ARFGEF3: variants seen among roughly 807,000 people sequenced by gnomAD.
The protein encoded by ARFGEF3 is brefeldin A-inhibited guanine nucleotide-exchange protein 3.
In ARFGEF3, 96 loss-of-function variants were observed where a neutral mutation model predicts 221.7. The observed-to-expected ratio is 0.43, with a 90% CI of 0.37 to 0.51. The LOEUF (loss-of-function observed/expected upper bound fraction) is 0.51. Among genes scored for constraint, ARFGEF3 ranks in the 20% least tolerant of loss-of-function variants. ARFGEF3 has a pLI of 0.00. For synonymous variants in ARFGEF3, 1,145 were observed against 1,126.8 expected, an observed-to-expected ratio of 1.02 and a Z score of -0.32; for missense variants, 2,410 against 2,789.9, an observed-to-expected ratio of 0.86 and a Z score of 3.07.
chr6:138,327,878 C>G (rs902524684), intron 31 of ARFGEF3, 143 bp from the exon 32 acceptor site: 2 of 629,168 alleles, frequency 3.2e-6, no homozygotes, highest in Non-Finnish European at 5.5e-6. Context: ...TCAATTAACT[C>G]TCTCAACAAA....
intron 22 of ARFGEF3, among the ~76,000 whole-genome samples, chr6:138,306,525 A>G (rs1779725868): frequency 1.3e-5 from 2 of 152,218 alleles, no homozygotes; most frequent in Non-Finnish European, 2.9e-5. Context: ...AAAGAAGGAC[A>G]AATTTTGAAA....
At chr6:138,223,080 A>T (rs1329138743) in intron 4 of ARFGEF3, among the ~76,000 whole-genome samples, 1 of 152,152 alleles carries the variant, frequency 6.6e-6, no homozygotes, top group Non-Finnish European at 1.5e-5. Context: ...AGGGAAAAAA[A>T]TCTCTGTTGA....
At chr6:138,183,394 G>A in intron 2 of ARFGEF3, among the ~76,000 whole-genome samples, 1 of 152,202 alleles carries the variant, frequency 6.6e-6, no homozygotes, top group South Asian at 2.1e-4. Flanking sequence ...ATTGTTAAAG[G>A]TGTGCATGCC....
chr6:138,229,935 C>T lies in ARFGEF3; in HGVS notation c.420+83C>T, dbSNP rs147332612. ...TAAATATTGGGGTGGAACTAAGCCCCAGCACTGGAGTGAATCCTTCTCTGA... is the reference window on the plus strand; with the variant it reads ...TAAATATTGGGGTGGAACTAAGCCCTAGCACTGGAGTGAATCCTTCTCTGA... On this transcript the variant is annotated intron_variant, in intron 5 of 33. Transcript: ENST00000251691. 2.7e-5 allele frequency: 31 copies of T among 1,140,984 alleles called. No individual in the cohort carries two copies. In the East Asian group the frequency reaches 7.2e-4, roughly 27 times the overall value. The allele number at this position is 1,140,984 out of a possible 1,614,324, so 70.7% of individuals were successfully genotyped here.
rs952834056 is a variant in ARFGEF3 at position 138,291,968 on chromosome 6, C to T, written c.3283C>T (p.Arg1095Trp). Residue 1095 changes from arginine (R) to tryptophan (W), a missense_variant, in exon 19 of 34, where the codon CGG becomes TGG. This residue lies in a region of ARFGEF3 where 184 missense variants were observed against 141.8 expected (regional missense o/e 1.30). Coordinates refer to ENST00000251691, the MANE Select transcript of ARFGEF3 (RefSeq NM_020340.5). The surrounding 1 kb of genome is among the most constrained non-coding windows in gnomAD (Gnocchi z 4.5). ...CCTCGTCCGGGAAGGCAGCCGGGGT[C>T]GGGCCTCCGACTTCCGCGGCGGGAG... is the stretch of plus-strand genomic sequence containing the variant. ...QDLVREGSRG[R>W]ASDFRGGSLM... 19 of 1,533,470 alleles carry T rather than the reference C, an allele frequency of 1.2e-5. No homozygotes were observed. Among genetic ancestry groups the T allele is most frequent in the Non-Finnish European group, 1.5e-5 (17 of 1,142,542 alleles). 95.0% of individuals were successfully genotyped at this position (1,533,470 alleles called of 1,614,324 possible).
At position 138,226,789 on chromosome 6, in the gene ARFGEF3, G is replaced by A. The variant is rs559650909; in HGVS notation, c.352-2995G>A. On this transcript the variant is annotated intron_variant, in intron 4 of 33. Coordinates refer to ENST00000251691, the MANE Select transcript of ARFGEF3 (RefSeq NM_020340.5). ...CTACCCCTAGTCTGTGTTTTAATCC[G>A]GCGAATTAATACATGCTAAGCATTG... 2.0e-5 allele frequency among the ~76,000 whole-genome samples: 3 copies of A among 152,052 alleles called. 1 individual carries two copies. Among genetic ancestry groups the A allele is most frequent in the South Asian group, 4.2e-4 (2 of 4,812 alleles).
rs1777682680 is a variant in ARFGEF3 at position 138,209,572 on chromosome 6, CCCGAGTAG to C, written c.220-336_220-329del. 2.0e-5 allele frequency among the ~76,000 whole-genome samples: 3 copies of C among 152,260 alleles called. No homozygotes were observed. The South Asian group carries it at 6.2e-4, about 32-fold the overall frequency. ...TCAAGCAATTCTCCTGCCTCAGCCTCCCGAGTAGCTGGGATTGCAGGCACCCGCCACCA... is the reference window on the plus strand; with the variant it reads ...TCAAGCAATTCTCCTGCCTCAGCCTCCTGGGATTGCAGGCACCCGCCACCA... On this transcript the variant is annotated intron_variant, in intron 3 of 33. Transcript: ENST00000251691.
intron 4 of ARFGEF3, among the ~76,000 whole-genome samples, chr6:138,213,783 C>G (rs1370688588): frequency 7.9e-5 from 12 of 152,020 alleles, no homozygotes. Flanking sequence ...TCACAACAAA[C>G]CTAGCCTGAA....
intron 12 of ARFGEF3, 118 bp downstream of exon 12, chr6:138,263,729 G>T: frequency 1.0e-6 from 1 of 999,244 alleles, no homozygotes. Context: ...ATGTATCTTT[G>T]GGTTTCCCCA....
chr6:138,326,644 G>A (rs769696836), intron 31 of ARFGEF3, among the ~76,000 whole-genome samples: 8 of 152,118 alleles, frequency 5.3e-5, no homozygotes, highest in African/African-American at 1.2e-4. Flanking sequence ...AAAAAGTAAC[G>A]CTTTTATACT....
chr6:138,292,318 G>A (rs1779426580), intron 19 of ARFGEF3, among the ~76,000 whole-genome samples: 1 of 152,186 alleles, frequency 6.6e-6, no homozygotes, highest in Non-Finnish European at 1.5e-5. Context: ...ACCTCCCTGG[G>A]CCCTGCCTGG....
chr6:138,207,713 A>G (rs1777649640), intron 3 of ARFGEF3, among the ~76,000 whole-genome samples: 1 of 152,234 alleles, frequency 6.6e-6, no homozygotes, highest in Admixed American at 6.5e-5. Flanking sequence ...ATGACTATGT[A>G]AATATACATA....
At chr6:138,245,724 C>T (rs1045652479) in intron 8 of ARFGEF3, 133 bp downstream of exon 8, 21 of 723,628 alleles carry the variant, frequency 2.9e-5, no homozygotes, top group South Asian at 1.3e-4. Context: ...ACACCCTAAA[C>T]GCTGTTATTT....
intron 2 of ARFGEF3, among the ~76,000 whole-genome samples, chr6:138,199,282 A>G (rs1329721606): frequency 6.6e-6 from 1 of 152,200 alleles, no homozygotes; most frequent in East Asian, 1.9e-4. Flanking sequence ...AGCCATTTCA[A>G]CCAGACCTAT....
chr6:138,334,826 G>T lies in ARFGEF3; in HGVS notation c.5980G>T (p.Val1994Leu), dbSNP rs1379995863. The change falls in exon 33 of 34, where the codon GTG (valine) becomes TTG (leucine). Residue 1994 changes from valine (V) to leucine (L), a missense_variant. By Grantham distance (32) the Val-to-Leu change is conservative. Coordinates refer to ENST00000251691, the MANE Select transcript of ARFGEF3 (RefSeq NM_020340.5). The surrounding 1 kb of genome is among the most constrained non-coding windows in gnomAD (Gnocchi z 5.1). ...GDLLLPPSPK[V>L]EKKDPSRKKE... ...CCTGCTGCTGCCCCCCAGCCCCAAA[G>T]TGGAGAAGAAGGATCCCAGCCGGAA... 4 of 1,601,222 alleles carry T rather than the reference G, an allele frequency of 2.5e-6. No homozygotes were observed. Among genetic ancestry groups the T allele is most frequent in the Non-Finnish European group, 2.6e-6 (3 of 1,174,282 alleles).
intron 27 of ARFGEF3, among the ~76,000 whole-genome samples, chr6:138,319,239 C>A (rs1779979545): frequency 6.8e-6 from 1 of 147,298 alleles, no homozygotes. Flanking sequence ...TACAGGTGTA[C>A]ACTACTGTGG....
At chr6:138,327,971 C>CA in intron 31 of ARFGEF3, 50 bp from the exon 32 acceptor site, 1 of 1,501,884 alleles carries the variant, frequency 6.7e-7, no homozygotes, top group Non-Finnish European at 9.0e-7. Context: ...CCTGACAGGT[C>CA]AAGCAGAGGA....
intron 12 of ARFGEF3, 69 bp from the exon 13 acceptor site, chr6:138,278,382 C>A: frequency 6.9e-7 from 1 of 1,448,660 alleles, no homozygotes. Context: ...GGGTTCGCAG[C>A]TCTCTGGAAG....
chr6:138,332,355 A>G (rs1268841377), intron 32 of ARFGEF3, among the ~76,000 whole-genome samples: 1 of 151,596 alleles, frequency 6.6e-6, no homozygotes, highest in Non-Finnish European at 1.5e-5. Context: ...TTCCACTTGG[A>G]GACTTACTGA....
Sources: gnomAD v4.1 joint callset for allele counts (sites outside exome capture counted in the v4.1 genomes callset) on GRCh38, gnomAD v4.1.1 for gene constraint, gnomAD v4.1.1 regional missense constraint, Gnocchi (gnomAD v3.1) non-coding constraint, MANE v1.5 for transcripts, NCBI Gene and HGNC (gene_info 2026-07-23, HGNC 2026-07-21) for gene names.